The following SLC24A2 variants were observed in gnomAD, a reference collection of about 807,000 sequenced individuals.
SLC24A2 encodes sodium/potassium/calcium exchanger 2.
In SLC24A2, 36 loss-of-function variants were observed where a neutral mutation model predicts 62.0. The ratio of observed to expected loss-of-function variants is 0.58; its 90% CI spans 0.44 to 0.77. The LOEUF (loss-of-function observed/expected upper bound fraction) is 0.77. SLC24A2 is among the 30% of genes least tolerant of loss of function. The pLI is 0.00. For missense variants in SLC24A2, 846 were observed against 817.9 expected, an observed-to-expected ratio of 1.03 and a Z score of -0.42; for synonymous variants, 358 against 294.0, an observed-to-expected ratio of 1.22 and a Z score of -2.23.
chr9:19,613,633 G>A (rs1276370561), intron 4 of SLC24A2, among the ~76,000 whole-genome samples: 1 of 152,146 alleles, frequency 6.6e-6, no homozygotes, highest in Non-Finnish European at 1.5e-5. Context: ...CTAAGTAGAA[G>A]TGGTAGCAGT....
chr9:19,534,673 G>A (rs912834134), intron 8 of SLC24A2, among the ~76,000 whole-genome samples: 5 of 152,114 alleles, frequency 3.3e-5, no homozygotes, highest in East Asian at 3.9e-4. Context: ...CCATGTCCCT[G>A]CAAAGGACAT....
At chr9:20,030,129 A>G in the SLC24A2 span, among the ~76,000 whole-genome samples, 1 of 152,240 alleles carries the variant, frequency 6.6e-6, no homozygotes, top group African/African-American at 2.4e-5. Context: ...ACAGCACCAC[A>G]GGCAGGACTG....
the SLC24A2 span, among the ~76,000 whole-genome samples, chr9:20,019,145 GAAAGAA>G: frequency 8.0e-3 from 683 of 84,882 alleles, 29 homozygotes; most frequent in African/African-American, 0.02. Context: ...AAGAAAGAAA[GAAAGAA>G]AGAAAGAGAG....
At chr9:19,536,823 G>A (rs201330960) in intron 8 of SLC24A2, among the ~76,000 whole-genome samples, 522 of 67,266 alleles carry the variant, frequency 7.8e-3, no homozygotes, top group Non-Finnish European at 8.1e-3. Context: ...CACCAACAGT[G>A]TAAAAGTGTT....
the SLC24A2 span, among the ~76,000 whole-genome samples, chr9:19,969,844 T>G: frequency 8.5e-5 from 13 of 152,238 alleles, no homozygotes; most frequent in South Asian, 1.0e-3. Context: ...GTTGAGAATA[T>G]CATAACAAAA....
the SLC24A2 span, among the ~76,000 whole-genome samples, chr9:19,796,521 A>C: frequency 6.6e-6 from 1 of 152,184 alleles, no homozygotes; most frequent in African/African-American, 2.4e-5. Flanking sequence ...TGCTTTTTGG[A>C]GCACAGCCTC....
chr9:19,701,717 T>C (rs941796472), intron 2 of SLC24A2, among the ~76,000 whole-genome samples: 6 of 152,214 alleles, frequency 3.9e-5, no homozygotes, highest in African/African-American at 1.4e-4. Flanking sequence ...AGGAGCCTTC[T>C]TGAATTCCTC....
chr9:20,078,849 T>C, the SLC24A2 span, among the ~76,000 whole-genome samples: 2 of 152,160 alleles, frequency 1.3e-5, no homozygotes, highest in African/African-American at 2.4e-5. Flanking sequence ...AAAAGGGACA[T>C]AGATAAATAG....
chr9:19,580,541 T>C (rs1486772701), intron 5 of SLC24A2, among the ~76,000 whole-genome samples: 2 of 152,236 alleles, frequency 1.3e-5, no homozygotes, highest in East Asian at 1.9e-4. Context: ...CCTGTGATTT[T>C]TGAAGTGATC....
chr9:19,719,407 C>T (rs1383777563), intron 2 of SLC24A2, among the ~76,000 whole-genome samples: 2 of 152,120 alleles, frequency 1.3e-5, no homozygotes, highest in Admixed American at 6.5e-5. Flanking sequence ...TCATGTTTTG[C>T]TTTATCTGAG....
At chr9:19,566,235 C>G (rs999666314) in intron 7 of SLC24A2, among the ~76,000 whole-genome samples, 5 of 149,382 alleles carry the variant, frequency 3.3e-5, no homozygotes, top group East Asian at 1.9e-4. Context: ...GGGCTAATAT[C>G]CAGAATCTAC....
In SLC24A2 at chr9:19,525,863, C is replaced by T. The variant is rs188391397; in HGVS notation, c.1569+2186G>A. 1.3e-3 allele frequency among the ~76,000 whole-genome samples: 197 copies of T among 147,948 alleles called. 1 individual carries two copies. Among genetic ancestry groups the T allele is most frequent in the African/African-American group, 4.2e-3 (169 of 40,234 alleles). On this transcript the variant is annotated intron_variant, in intron 9 of 10. Coordinates refer to ENST00000341998, the MANE Select transcript of SLC24A2 (RefSeq NM_020344.4). ...AGTTTATTGAGATGTAATTTACATA[C>T]CATAAAATTTAGCCATTTTAAAGTG...
chr9:19,538,287 T>C (rs1834074335), intron 8 of SLC24A2, among the ~76,000 whole-genome samples: 2 of 144,852 alleles, frequency 1.4e-5, no homozygotes, highest in South Asian at 4.5e-4. Flanking sequence ...GTGCCAGTTT[T>C]CAAAGGGAAT....
chr9:19,657,330 T>C (rs749991437), intron 2 of SLC24A2, among the ~76,000 whole-genome samples: 3 of 152,158 alleles, frequency 2.0e-5, no homozygotes, highest in Non-Finnish European at 4.4e-5. Flanking sequence ...ATCTGATTTA[T>C]ACCCTCAGAT....
At chr9:20,199,373 T>G in the SLC24A2 span, among the ~76,000 whole-genome samples, 1 of 152,288 alleles carries the variant, frequency 6.6e-6, no homozygotes, top group African/African-American at 2.4e-5. Flanking sequence ...AAGATGTTCT[T>G]CCCATCCTCA....
the SLC24A2 span, among the ~76,000 whole-genome samples, chr9:20,212,571 T>C: frequency 6.6e-6 from 1 of 151,714 alleles, no homozygotes; most frequent in Non-Finnish European, 1.5e-5. Flanking sequence ...CTATACTATG[T>C]ATATATATTA....
chr9:20,193,590 G>A, the SLC24A2 span, among the ~76,000 whole-genome samples: 2 of 151,962 alleles, frequency 1.3e-5, no homozygotes, highest in Non-Finnish European at 2.9e-5. Flanking sequence ...ATAAGCAAAT[G>A]TCTATCAATA....
the SLC24A2 span, among the ~76,000 whole-genome samples, chr9:19,880,599 T>A: frequency 6.6e-6 from 1 of 152,100 alleles, no homozygotes; most frequent in Non-Finnish European, 1.5e-5. Context: ...ACAGAAAAGG[T>A]GAAAAAAGCA....
the SLC24A2 span, among the ~76,000 whole-genome samples, chr9:20,034,669 C>T: frequency 5.9e-5 from 9 of 152,090 alleles, no homozygotes; most frequent in East Asian, 1.5e-3. Flanking sequence ...GGGGTTTCAC[C>T]GTGTTAGCCA....
Sources: gnomAD v4.1 joint callset for allele counts (sites outside exome capture counted in the v4.1 genomes callset) on GRCh38, gnomAD v4.1.1 for gene constraint, MANE v1.5 for transcripts, NCBI Gene and HGNC (gene_info 2026-07-23, HGNC 2026-07-21) for gene names.